DYNC1I1: variants seen among roughly 807,000 people sequenced by gnomAD.
DYNC1I1 encodes cytoplasmic dynein 1 intermediate chain 1.
Under a neutral mutation model 86.6 loss-of-function variants are expected in DYNC1I1, and 43 were observed. The ratio of observed to expected loss-of-function variants is 0.50; its 90% CI spans 0.39 to 0.64. DYNC1I1 has a LOEUF of 0.64. Among genes scored for constraint, DYNC1I1 ranks in the 30% least tolerant of loss-of-function variants. The pLI, the probability that DYNC1I1 is intolerant of heterozygous loss-of-function variation, is 0.00. For missense variants in DYNC1I1, 604 were observed against 788.8 expected, an observed-to-expected ratio of 0.77 and a Z score of 2.81; for synonymous variants, 262 against 283.7, an observed-to-expected ratio of 0.92 and a Z score of 0.77.
intron 6 of DYNC1I1, among the ~76,000 whole-genome samples, chr7:95,922,712 G>A (rs575483065): frequency 6.4e-4 from 97 of 152,132 alleles, no homozygotes; most frequent in African/African-American, 2.3e-3. Flanking sequence ...TTAGGTTTAG[G>A]CACTAAGGAA....
At chr7:96,042,975 C>T (rs1282150717) in intron 14 of DYNC1I1, among the ~76,000 whole-genome samples, 2 of 151,874 alleles carry the variant, frequency 1.3e-5, no homozygotes, top group African/African-American at 4.8e-5. Flanking sequence ...TCCTGCCCAA[C>T]ATAGTGAATG....
chr7:95,835,425 G>T (rs1049378784), intron 5 of DYNC1I1, among the ~76,000 whole-genome samples: 1 of 150,400 alleles, frequency 6.6e-6, no homozygotes, highest in African/African-American at 2.5e-5. Context: ...GTGTGGTGTG[G>T]TGCTGAAAGA....
At chr7:95,870,365 A>G (rs1378556018) in intron 6 of DYNC1I1, among the ~76,000 whole-genome samples, 4 of 116,578 alleles carry the variant, frequency 3.4e-5, no homozygotes, top group Non-Finnish European at 5.3e-5. Flanking sequence ...CATCATTTAC[A>G]TGGCTTAGCA....
At chr7:95,883,986 A>G (rs1026701894) in intron 6 of DYNC1I1, among the ~76,000 whole-genome samples, 1 of 152,192 alleles carries the variant, frequency 6.6e-6, no homozygotes, top group African/African-American at 2.4e-5. Flanking sequence ...AAATTGTTCA[A>G]TAAAACTTTA....
intron 14 of DYNC1I1, among the ~76,000 whole-genome samples, chr7:96,054,154 A>G (rs1313072210): frequency 6.6e-6 from 1 of 152,106 alleles, no homozygotes; most frequent in Non-Finnish European, 1.5e-5. Flanking sequence ...ACCCCGCAAC[A>G]GGCCCTGGTG....
chr7:95,832,418 G>T lies in DYNC1I1; in HGVS notation c.374+4302G>T, dbSNP rs1046955262. Among the ~76,000 whole-genome samples, 6 of 151,592 alleles carry T rather than the reference G, an allele frequency of 4.0e-5. No homozygotes were observed. In the South Asian group the frequency reaches 1.2e-3, roughly 32 times the overall value. ...AGTCTTTGCTATTGTGAATAGTGCC[G>T]CAATAAACATACGTGTGCATGTGTC... On this transcript the variant is annotated intron_variant, in intron 5 of 16. Coordinates refer to ENST00000447467, the MANE Select transcript of DYNC1I1 (RefSeq NM_001135556.2).
chr7:95,909,791 G>T (rs1791280281), intron 6 of DYNC1I1, among the ~76,000 whole-genome samples: 1 of 152,138 alleles, frequency 6.6e-6, no homozygotes, highest in Non-Finnish European at 1.5e-5. Context: ...GAGCTTGGCA[G>T]TGCGAGCCAC....
At chr7:96,027,835 G>A (rs1489302986) in intron 10 of DYNC1I1, among the ~76,000 whole-genome samples, 3 of 152,148 alleles carry the variant, frequency 2.0e-5, no homozygotes. Flanking sequence ...TAGTTCTGTT[G>A]CAATTCTATG....
At chr7:95,981,340 A>T (rs1313116521) in intron 7 of DYNC1I1, among the ~76,000 whole-genome samples, 1 of 152,142 alleles carries the variant, frequency 6.6e-6, no homozygotes, top group Non-Finnish European at 1.5e-5. Flanking sequence ...AAATACAATC[A>T]TGCTTGAAAG....
At chr7:95,903,651 T>G (rs901197486) in intron 6 of DYNC1I1, among the ~76,000 whole-genome samples, 2 of 152,348 alleles carry the variant, frequency 1.3e-5, no homozygotes, top group Non-Finnish European at 2.9e-5. Context: ...ATTCATAGTT[T>G]ATTGAATGCT....
chr7:95,819,495 A>T (rs1391458056), intron 4 of DYNC1I1, among the ~76,000 whole-genome samples: 1 of 152,078 alleles, frequency 6.6e-6, no homozygotes. Flanking sequence ...GCCTCAAAGG[A>T]CTTGACCCAT....
At chr7:96,050,812 A>T (rs1203645453) in intron 14 of DYNC1I1, among the ~76,000 whole-genome samples, 1 of 152,080 alleles carries the variant, frequency 6.6e-6, no homozygotes, top group Non-Finnish European at 1.5e-5. Flanking sequence ...AGTCCCTTGG[A>T]ACATCCTTTT....
At chr7:95,951,050 T>G (rs567616702) in intron 6 of DYNC1I1, among the ~76,000 whole-genome samples, 3 of 152,344 alleles carry the variant, frequency 2.0e-5, no homozygotes, top group African/African-American at 7.2e-5. Context: ...TTGGTGTCAA[T>G]GATTATACCA....
intron 5 of DYNC1I1, among the ~76,000 whole-genome samples, chr7:95,828,424 G>A (rs1795250036): frequency 6.6e-6 from 1 of 152,000 alleles, no homozygotes; most frequent in Non-Finnish European, 1.5e-5. Flanking sequence ...GTTCTGCAGC[G>A]GGAGATATGT....
intron 2 of DYNC1I1, among the ~76,000 whole-genome samples, chr7:95,808,059 A>T (rs1794742777): frequency 6.6e-6 from 1 of 152,094 alleles, no homozygotes. Flanking sequence ...CGTCCCAGAC[A>T]TCCTTTCCAA....
chr7:96,061,079 A>G (rs1482493343), intron 14 of DYNC1I1, among the ~76,000 whole-genome samples: 1 of 152,222 alleles, frequency 6.6e-6, no homozygotes, highest in East Asian at 1.9e-4. Flanking sequence ...AGAATAGTAC[A>G]TTCTCTAAGA....
At chr7:95,985,763 C>T (rs895323216) in intron 8 of DYNC1I1, among the ~76,000 whole-genome samples, 7 of 151,926 alleles carry the variant, frequency 4.6e-5, no homozygotes, top group African/African-American at 1.7e-4. Flanking sequence ...TCTTAAAGGA[C>T]GATATCTTAT....
intron 6 of DYNC1I1, among the ~76,000 whole-genome samples, chr7:95,957,332 ATCT>A (rs1341740233): frequency 4.6e-5 from 7 of 152,082 alleles, no homozygotes; most frequent in African/African-American, 1.7e-4. Flanking sequence ...TTTCAGAACA[ATCT>A]TCTTCCTCCA....
chr7:96,033,882 T>C (rs375575145), intron 12 of DYNC1I1, among the ~76,000 whole-genome samples: 1 of 152,074 alleles, frequency 6.6e-6, no homozygotes, highest in African/African-American at 2.4e-5. Flanking sequence ...TGCTAGCACA[T>C]GTCTGTAGTC....
Sources: gnomAD v4.1 joint callset for allele counts (sites outside exome capture counted in the v4.1 genomes callset) on GRCh38, gnomAD v4.1.1 for gene constraint, MANE v1.5 for transcripts, NCBI Gene and HGNC (gene_info 2026-07-23, HGNC 2026-07-21) for gene names.